Variants in ANKRD50 observed in about 807,000 individuals in gnomAD.
The protein encoded by ANKRD50 is ankyrin repeat domain 50.
Under a neutral mutation model 112.0 loss-of-function variants are expected in ANKRD50, and 40 were observed. The ratio of observed to expected loss-of-function variants is 0.36; its 90% CI spans 0.28 to 0.46. The LOEUF (loss-of-function observed/expected upper bound fraction) is 0.46. ANKRD50 is among the 20% of genes least tolerant of loss of function. The probability of loss-of-function intolerance (pLI) is 1.00; values close to 1 mark genes in which losing one functional copy is unlikely to be tolerated. For synonymous variants in ANKRD50, 613 were observed against 619.1 expected (o/e 0.99, Z 0.15); for missense variants, 1,487 against 1,701.7 (o/e 0.87, Z 2.22).
rs1725661501 is a variant in ANKRD50 at position 124,712,535 on chromosome 4, G to C, written c.-841C>G. On this transcript the variant is annotated 5_prime_UTR_variant, in exon 1 of 5. Coordinates refer to ENST00000504087, the MANE Select transcript of ANKRD50 (RefSeq NM_020337.3). ...TCTCAGACACTTGCTTCGCTGAGAAGTCGCTGCCAGCAGCGCTCCCAAGAC... is the reference window on the plus strand; with the variant it reads ...TCTCAGACACTTGCTTCGCTGAGAACTCGCTGCCAGCAGCGCTCCCAAGAC... The C allele has an allele frequency of 6.5e-6, 1 of 153,096 alleles. No individual in the cohort carries two copies. Among genetic ancestry groups the C allele is most frequent in the Non-Finnish European group, 1.5e-5 (1 of 68,302 alleles). The allele number at this position is 153,096 out of a possible 1,614,324, so 9.5% of individuals were successfully genotyped here.
chr4:124,685,753 TTAA>T (rs1436789814), intron 2 of ANKRD50, among the ~76,000 whole-genome samples: 7 of 152,106 alleles, frequency 4.6e-5, no homozygotes, highest in African/African-American at 1.7e-4. Flanking sequence ...TATTACATTC[TTAA>T]TTTTTTATTA....
At chr4:124,673,166 A>G (rs1422374516) in intron 3 of ANKRD50, among the ~76,000 whole-genome samples, 1 of 152,124 alleles carries the variant, frequency 6.6e-6, no homozygotes, top group Non-Finnish European at 1.5e-5. Flanking sequence ...TCAGCACTGT[A>G]AAATAAATAA....
chr4:124,668,519 T>C (rs1730549546), intron 4 of ANKRD50, among the ~76,000 whole-genome samples: 1 of 152,094 alleles, frequency 6.6e-6, no homozygotes, highest in Non-Finnish European at 1.5e-5. Flanking sequence ...AAAATTCTTT[T>C]AAAAGGAGGA....
At chr4:124,688,976 T>C (rs78137128) in intron 2 of ANKRD50, among the ~76,000 whole-genome samples, 2,109 of 152,272 alleles carry the variant, frequency 0.014, 50 homozygotes, top group African/African-American at 0.048. Flanking sequence ...ATATCACTAA[T>C]TCAGAGAGGT....
In ANKRD50 at chr4:124,669,914, T is replaced by C. The variant is rs149147559; in HGVS notation, c.3363A>G (p.Leu1121=). ...ACTGCACTTTTGAAGACAATGACTG[T>C]AGAGGTTTTTGCTCCATTGTGTGAA... is the stretch of plus-strand genomic sequence containing the variant. ...SPVHTMEQKP[L]QSLSSKVQSL... Residue 1121 remains leucine (L), a synonymous_variant, in exon 4 of 5, where the codon CTA becomes CTG. Coordinates refer to ENST00000504087, the MANE Select transcript of ANKRD50 (RefSeq NM_020337.3). 3.8e-4 allele frequency: 617 copies of C among 1,613,596 alleles called. 1 individual carries two copies. In the African/African-American group the frequency reaches 7.1e-3, roughly 19 times the overall value.
chr4:124,670,229 C>G lies in ANKRD50; in HGVS notation c.3048G>C (p.Leu1016Phe), dbSNP rs754391701. Residue 1016 changes from leucine to phenylalanine, a missense_variant, in exon 4 of 5, where the codon TTG becomes TTC. Physicochemically the swap from Leu to Phe is conservative, Grantham distance 22. Coordinates refer to ENST00000504087, the MANE Select transcript of ANKRD50 (RefSeq NM_020337.3). ...CATGGCCCTGCCAGGCTGCAGACTG[C>G]AAAGCAGAGCGCTTTTCATTGTCTG... The part of the protein sequence containing the change: ...NAADNEKRSA[L>F]QSAAWQGHVK... 1.2e-6 allele frequency: 2 copies of G among 1,613,798 alleles called. No homozygotes were observed. Among genetic ancestry groups the G allele is most frequent in the Non-Finnish European group, 1.7e-6 (2 of 1,179,866 alleles).
chr4:124,708,687 CACAT>C (rs2110530453), intron 2 of ANKRD50, among the ~76,000 whole-genome samples: 1 of 100,038 alleles, frequency 1.0e-5, no homozygotes, highest in South Asian at 3.6e-4. Flanking sequence ...AGATTACTAA[CACAT>C]ACACACACAC....
At position 124,682,691 on chromosome 4, in the gene ANKRD50, G is replaced by C. The variant is rs760920837; in HGVS notation, c.513-3786C>G. Among the ~76,000 whole-genome samples, 131 of 151,666 alleles carry C rather than the reference G, an allele frequency of 8.6e-4. 1 individual carries two copies. Among genetic ancestry groups the C allele is most frequent in the Non-Finnish European group, 1.5e-3 (105 of 67,938 alleles). Reference sequence around the variant, plus strand: ...CTACCTTGTCTGATATTAATGTTAGGCACACCACCTTTCTTTTAATTAGGG... The same window carrying C: ...CTACCTTGTCTGATATTAATGTTAGCCACACCACCTTTCTTTTAATTAGGG... On this transcript the variant is annotated intron_variant, in intron 2 of 4. Coordinates refer to ENST00000504087, the MANE Select transcript of ANKRD50 (RefSeq NM_020337.3).
chr4:124,710,261 G>A lies in ANKRD50; in HGVS notation c.251C>T (p.Thr84Met). The A allele has an allele frequency of 6.2e-7, 1 of 1,614,164 alleles. No individual in the cohort carries two copies. Among genetic ancestry groups the A allele is most frequent in the Non-Finnish European group, 8.5e-7 (1 of 1,180,024 alleles). The change falls in exon 2 of 5, where the codon ACG (threonine) becomes ATG (methionine). Residue 84 changes from threonine (T) to methionine (M), a missense_variant. Coordinates refer to ENST00000504087, the MANE Select transcript of ANKRD50 (RefSeq NM_020337.3). ...CCATAAGAGTTCAGTACATAGGGCC[G>A]TCTTGCCACTGCCAGGCCCTCCTAC... ...LLVGGPGSGK[T>M]ALCTELLWPS... is the part of the protein sequence containing the mutation.
intron 2 of ANKRD50, among the ~76,000 whole-genome samples, chr4:124,706,925 A>C: frequency 6.6e-6 from 1 of 152,048 alleles, no homozygotes; most frequent in Admixed American, 6.5e-5. Context: ...AAAGTAAAAA[A>C]CAGAACAGTT....
intron 2 of ANKRD50, among the ~76,000 whole-genome samples, chr4:124,702,816 T>C (rs1409267155): frequency 6.6e-6 from 1 of 152,158 alleles, no homozygotes; most frequent in Non-Finnish European, 1.5e-5. Flanking sequence ...CTCAATACTT[T>C]AGCCCTAATA....
At chr4:124,675,707 CACAT>C (rs750219657) in intron 3 of ANKRD50, among the ~76,000 whole-genome samples, 2 of 151,630 alleles carry the variant, frequency 1.3e-5, no homozygotes, top group Non-Finnish European at 3.0e-5. Context: ...ATAAAATAAA[CACAT>C]AAATAATCTT....
At chr4:124,695,161 G>C (rs1725225711) in intron 2 of ANKRD50, among the ~76,000 whole-genome samples, 1 of 151,834 alleles carries the variant, frequency 6.6e-6, no homozygotes, top group Non-Finnish European at 1.5e-5. Context: ...TCCATTGCAA[G>C]AACTAGAAAA....
chr4:124,687,607 T>C (rs988908794), intron 2 of ANKRD50, among the ~76,000 whole-genome samples: 2 of 152,088 alleles, frequency 1.3e-5, no homozygotes, highest in South Asian at 2.1e-4. Context: ...TGGGAGAAAA[T>C]ATTCGTAAAG....
chr4:124,669,338 G>A lies in ANKRD50; in HGVS notation c.3939C>T (p.Ser1313=), dbSNP rs202030328. 69 of 1,613,618 alleles carry A rather than the reference G, an allele frequency of 4.3e-5. 1 individual carries two copies. In the East Asian group the frequency reaches 9.1e-4, roughly 21 times the overall value. ...TTTGTTTAGGTGGTGCAGCAGTCCC[G>A]GATTTGGCTATAGGTCCTCTTCTAT... The part of the protein sequence containing the change: ...QFDRRGPIAK[S]GTAAPPKQMP... Residue 1313 remains serine, a synonymous_variant, in exon 4 of 5, where the codon TCC becomes TCT. Coordinates refer to ENST00000504087, the MANE Select transcript of ANKRD50 (RefSeq NM_020337.3).
In ANKRD50 at chr4:124,664,787, G is replaced by C. The variant is rs1246304030; in HGVS notation, c.*2731C>G. 1 of 151,954 alleles carries C rather than the reference G, an allele frequency of 6.6e-6. No homozygotes were observed. The highest frequency in any genetic ancestry group is 1.5e-5 in the Non-Finnish European group (1 of 67,892). The allele number at this position is 151,954 out of a possible 1,614,324, so 9.4% of individuals were successfully genotyped here. ...CTATTTTTGGTGAGAATTCCAGTGA[G>C]GGTGGGGGTGAAAACAAAGAACAAA... On this transcript the variant is annotated 3_prime_UTR_variant, in exon 5 of 5. Transcript: ENST00000504087.
At position 124,664,460 on chromosome 4, in the gene ANKRD50, A is replaced by C. The variant is rs1305423529; in HGVS notation, c.*3058T>G. The C allele has an allele frequency of 6.6e-6, 1 of 152,420 alleles. No individual in the cohort carries two copies. The highest frequency in any genetic ancestry group is 1.9e-4 in the East Asian group (1 of 5,194). 9.4% of individuals were successfully genotyped at this position (152,420 alleles called of 1,614,324 possible). ...CATATCATGCATGTTCTACTGGTTC[A>C]AGGACAAAATTAAAACAAGATCTTC... On this transcript the variant is annotated 3_prime_UTR_variant, in exon 5 of 5. Transcript: ENST00000504087.
At chr4:124,706,858 A>G (rs1384155522) in intron 2 of ANKRD50, among the ~76,000 whole-genome samples, 1 of 152,100 alleles carries the variant, frequency 6.6e-6, no homozygotes, top group Non-Finnish European at 1.5e-5. Context: ...TCTAACACAA[A>G]GTTTATTTTA....
rs184005466 is a variant in ANKRD50 at position 124,673,296 on chromosome 4, T to A, written c.743-762A>T. ...CAGATGACATCATGATATACAGATA[T>A]GAACTTATTAGACAATTGTGTATTC... On this transcript the variant is annotated intron_variant, in intron 3 of 4. Transcript: ENST00000504087. Among the ~76,000 whole-genome samples the A allele has an allele frequency of 5.4e-3, 829 of 152,204 alleles. 9 individuals carry two copies. Among genetic ancestry groups the A allele is most frequent in the African/African-American group, 0.019 (798 of 41,552 alleles).
Sources: allele counts gnomAD v4.1 joint callset (sites outside exome capture counted in the v4.1 genomes callset), GRCh38; gene constraint gnomAD v4.1.1; transcripts MANE v1.5; gene names NCBI Gene and HGNC (gene_info 2026-07-23, HGNC 2026-07-21).